Variants in ZRANB3 observed in about 807,000 individuals in gnomAD.
ZRANB3 encodes zinc finger RANBP2-type containing 3, also known as DNA annealing helicase and endonuclease ZRANB3.
A neutral mutation model predicts 133.8 loss-of-function variants in ZRANB3; 125 were observed. The ratio of observed to expected loss-of-function variants is 0.93; its 90% CI spans 0.81 to 1.08. The LOEUF is 1.08. Ranked by LOEUF, ZRANB3 falls within the 50% of genes least tolerant of loss-of-function variation. ZRANB3 has a pLI of 0.00. For missense variants in ZRANB3, 1,229 were observed against 1,275.5 expected, an observed-to-expected ratio of 0.96 and a Z score of 0.56; for synonymous variants, 387 against 432.7, an observed-to-expected ratio of 0.89 and a Z score of 1.31.
At chr2:135,427,291 A>T (rs1307880054) in intron 2 of ZRANB3, among the ~76,000 whole-genome samples, 2 of 152,160 alleles carry the variant, frequency 1.3e-5, no homozygotes, top group South Asian at 2.1e-4. Flanking sequence ...TTTGCAGATG[A>T]TATAATTCTA....
chr2:135,379,022 T>C (rs1686562753), intron 3 of ZRANB3, among the ~76,000 whole-genome samples: 1 of 152,160 alleles, frequency 6.6e-6, no homozygotes, highest in African/African-American at 2.4e-5. Context: ...GCATAAAGTA[T>C]GGTCTTCAGT....
intron 8 of ZRANB3, among the ~76,000 whole-genome samples, chr2:135,307,479 T>C (rs879383155): frequency 7.2e-5 from 11 of 152,228 alleles, no homozygotes; most frequent in Non-Finnish European, 1.6e-4. Context: ...TTTCTAAAAT[T>C]CTCCATCTTT....
At chr2:135,233,006 G>A (rs1483345262) in intron 12 of ZRANB3, among the ~76,000 whole-genome samples, 1 of 152,036 alleles carries the variant, frequency 6.6e-6, no homozygotes, top group East Asian at 1.9e-4. Context: ...AGCTAAAGGA[G>A]GAAGTTTCAG....
chr2:135,223,862 T>C (rs1167099586), intron 15 of ZRANB3, among the ~76,000 whole-genome samples: 2 of 152,308 alleles, frequency 1.3e-5, no homozygotes, highest in East Asian at 3.9e-4. Flanking sequence ...TCTAGGCTTC[T>C]GTAAGGATGC....
intron 2 of ZRANB3, among the ~76,000 whole-genome samples, chr2:135,393,036 AT>A (rs1289142113): frequency 2.6e-5 from 4 of 151,450 alleles, no homozygotes; most frequent in Non-Finnish European, 4.4e-5. Flanking sequence ...ACACCCAGCT[AT>A]TTTTTTTATT....
At chr2:135,205,919 T>C (rs1282522258) in intron 19 of ZRANB3, among the ~76,000 whole-genome samples, 2 of 152,168 alleles carry the variant, frequency 1.3e-5, no homozygotes, top group African/African-American at 2.4e-5. Flanking sequence ...CGCCAGACCA[T>C]AGGTGCCTCT....
chr2:135,473,663 G>A (rs567763612), intron 2 of ZRANB3, among the ~76,000 whole-genome samples: 5 of 152,024 alleles, frequency 3.3e-5, no homozygotes, highest in Non-Finnish European at 7.4e-5. Flanking sequence ...AATTATTCTG[G>A]TGCCTATGAA....
chr2:135,420,133 G>C (rs1271476862), intron 2 of ZRANB3, among the ~76,000 whole-genome samples: 1 of 114,528 alleles, frequency 8.7e-6, no homozygotes. Context: ...ATAACTTATA[G>C]AGGATATTTC....
intron 6 of ZRANB3, among the ~76,000 whole-genome samples, chr2:135,336,882 C>T (rs1558925964): frequency 2.6e-5 from 4 of 151,356 alleles, no homozygotes; most frequent in Admixed American, 1.3e-4. Context: ...TTACAGTCTG[C>T]AACAATTACA....
At position 135,230,598 on chromosome 2, in the gene ZRANB3, C is replaced by G. The variant is rs1694958379; in HGVS notation, c.1869G>C (p.Glu623Asp). 2 of 1,608,766 alleles carry G rather than the reference C, an allele frequency of 1.2e-6. No homozygotes were observed. Among genetic ancestry groups the G allele is most frequent in the Non-Finnish European group, 1.7e-6 (2 of 1,178,504 alleles). Residue 623 changes from glutamate to aspartate, a missense_variant, in exon 13 of 21, where the codon GAG (glutamate) becomes GAC (aspartate). By Grantham distance (45) the Glu-to-Asp change is conservative. Coordinates refer to ENST00000264159, the MANE Select transcript of ZRANB3 (RefSeq NM_032143.4). ...AGGTGCAGAGACTACATTGCCAGCC[C>G]TCTACAGGAAAGGCTGGGGTGGTTA... The part of the protein sequence containing the change: ...AQLTTPAFPV[E>D]GWQCSLCTYI...
At chr2:135,462,001 G>C (rs1186781653) in intron 2 of ZRANB3, among the ~76,000 whole-genome samples, 1 of 152,156 alleles carries the variant, frequency 6.6e-6, no homozygotes, top group Non-Finnish European at 1.5e-5. Context: ...TACAGGTGCG[G>C]GATAGAGTTG....
In ZRANB3 at chr2:135,199,413, C is replaced by T. The variant is rs1023402376; in HGVS notation, c.*929G>A. Reference sequence around the variant, plus strand: ...CCGGGTTCAAGCAATTCTCCTGCCTCAGCCTCCCGAGTATCTGAGATTACA... The same window carrying T: ...CCGGGTTCAAGCAATTCTCCTGCCTTAGCCTCCCGAGTATCTGAGATTACA... On this transcript the variant is annotated 3_prime_UTR_variant, in exon 21 of 21. Coordinates refer to ENST00000264159, the MANE Select transcript of ZRANB3 (RefSeq NM_032143.4). 6.6e-6 allele frequency: 1 copy of T among 152,234 alleles called. No individual in the cohort carries two copies. The highest frequency in any genetic ancestry group is 1.9e-4 in the East Asian group (1 of 5,184). 9.4% of individuals were successfully genotyped at this position (152,234 alleles called of 1,614,324 possible).
intron 6 of ZRANB3, among the ~76,000 whole-genome samples, chr2:135,343,658 G>T (rs2104864003): frequency 6.7e-6 from 1 of 149,858 alleles, no homozygotes; most frequent in East Asian, 1.9e-4. Flanking sequence ...GATTATTTTT[G>T]TAATATATGA....
chr2:135,259,777 T>C (rs1486354069), intron 12 of ZRANB3, among the ~76,000 whole-genome samples: 1 of 143,310 alleles, frequency 7.0e-6, no homozygotes, highest in Non-Finnish European at 1.5e-5. Context: ...ATTAGAGTCC[T>C]TTTTTTTTTT....
At chr2:135,404,566 T>G (rs1239596906) in intron 2 of ZRANB3, among the ~76,000 whole-genome samples, 1 of 151,988 alleles carries the variant, frequency 6.6e-6, no homozygotes, top group Non-Finnish European at 1.5e-5. Flanking sequence ...AACTAGCAAG[T>G]CAGGCCAACA....
At chr2:135,434,408 G>A (rs2104985420) in intron 2 of ZRANB3, among the ~76,000 whole-genome samples, 1 of 152,256 alleles carries the variant, frequency 6.6e-6, no homozygotes, top group South Asian at 2.1e-4. Context: ...AGTAAATTAG[G>A]AGAGAACTAG....
chr2:135,469,782 G>A (rs563980191), intron 2 of ZRANB3, among the ~76,000 whole-genome samples: 2 of 152,232 alleles, frequency 1.3e-5, no homozygotes, highest in South Asian at 2.1e-4. Flanking sequence ...GGAGGCTGAG[G>A]CAGGTGGATC....
intron 8 of ZRANB3, among the ~76,000 whole-genome samples, chr2:135,312,157 TTTTTATTTTA>T (rs879598687): frequency 2.2e-4 from 21 of 95,110 alleles, no homozygotes; most frequent in African/African-American, 7.2e-4. Flanking sequence ...TTTTATTTTA[TTTTTATTTTA>T]TTTTATTTTA....
chr2:135,407,075 A>G (rs1211178962), intron 2 of ZRANB3, among the ~76,000 whole-genome samples: 2 of 152,198 alleles, frequency 1.3e-5, no homozygotes, highest in Non-Finnish European at 2.9e-5. Context: ...AGAAAACCCC[A>G]TCGTCTCAGC....
Sources: gnomAD v4.1 joint callset for allele counts (sites outside exome capture counted in the v4.1 genomes callset) on GRCh38, gnomAD v4.1.1 for gene constraint, MANE v1.5 for transcripts, NCBI Gene and HGNC (gene_info 2026-07-23, HGNC 2026-07-21) for gene names.